GTSE1: variants seen among roughly 807,000 people sequenced by gnomAD.
GTSE1 encodes G2 and S-phase expressed 1.
In GTSE1, 52 loss-of-function variants were observed where a neutral mutation model predicts 60.5. That is an observed-to-expected ratio of 0.86 (90% CI 0.69 to 1.08). The LOEUF is 1.08. Ranked by LOEUF, GTSE1 falls within the 50% of genes least tolerant of loss-of-function variation. The pLI, the probability that GTSE1 is intolerant of heterozygous loss-of-function variation, is 0.00. For synonymous variants in GTSE1, 368 were observed against 386.5 expected (o/e 0.95, Z 0.56); for missense variants, 937 against 961.8 (o/e 0.97, Z 0.34).
rs112923617 is a variant in GTSE1 at position 46,320,800 on chromosome 22, G to C, written c.1433-2390G>C. Among the ~76,000 whole-genome samples, 3,617 of 152,292 alleles carry C rather than the reference G, an allele frequency of 0.024. 54 individuals are homozygous for C. Among genetic ancestry groups the C allele is most frequent in the Non-Finnish European group, 0.03 (2,010 of 68,024 alleles). ...AGCTGCAGTGGAGACGCGCCGTCCAGGTTTAGGGAAGAGCTGATGTGGGCC... is the reference window on the plus strand; with the variant it reads ...AGCTGCAGTGGAGACGCGCCGTCCACGTTTAGGGAAGAGCTGATGTGGGCC... On this transcript the variant is annotated intron_variant, in intron 7 of 11. Coordinates refer to ENST00000454366, the MANE Select transcript of GTSE1 (RefSeq NM_016426.7). This position sits in a 1 kb window ranked among gnomAD's most constrained non-coding sequence, Gnocchi z 7.1.
rs1473016992 is a variant in GTSE1 at position 46,304,928 on chromosome 22, A to G, written c.80-3222A>G. Among the ~76,000 whole-genome samples, 4 of 152,200 alleles carry G rather than the reference A, an allele frequency of 2.6e-5. No individual in the cohort carries two copies. Among genetic ancestry groups the G allele is most frequent in the African/African-American group, 7.2e-5 (3 of 41,436 alleles). On this transcript the variant is annotated intron_variant, in intron 2 of 11. Coordinates refer to ENST00000454366, the MANE Select transcript of GTSE1 (RefSeq NM_016426.7). This position sits in a 1 kb window ranked among gnomAD's most constrained non-coding sequence, Gnocchi z 4.4. ...CAGGAGTTCGAGGCTGCAGTGAGCT[A>G]TGATTGTACCACTGTACTCCAGCCT...
chr22:46,327,824 G>A (rs142344310), intron 9 of GTSE1, among the ~76,000 whole-genome samples: 76 of 152,334 alleles, frequency 5.0e-4, no homozygotes, highest in African/African-American at 1.7e-3. Context: ...CTATGATAAT[G>A]CAGAAGACTC....
Position 46,316,236 on chromosome 22 carries a change from C to T in GTSE1, c.1256C>T (p.Thr419Ile), listed in dbSNP as rs553147214. ...QLTAPPSASP[T>I]QPQTPEGGGQ... ...ACGGCACCCCCCTCAGCATCCCCCA[C>T]CCAACCCCAGACTCCGGAAGGTGGC... The change falls in exon 7 of 12, where the codon ACC (threonine) becomes ATC (isoleucine). Residue 419 changes from threonine (T) to isoleucine (I), a missense_variant. Thr to Ile is a moderately conservative substitution (Grantham distance 89). Transcript: ENST00000454366. The surrounding 1 kb of genome is among the most constrained non-coding windows in gnomAD (Gnocchi z 5.0). The T allele has an allele frequency of 1.1e-4, 175 of 1,613,718 alleles. No individual in the cohort carries two copies. The South Asian group carries it at 1.8e-3, about 17-fold the overall frequency.
In GTSE1 at chr22:46,313,780, T is replaced by A; in HGVS notation, c.928-110T>A. 8.3e-7 allele frequency: 1 copy of A among 1,198,888 alleles called. No individual in the cohort carries two copies. Among genetic ancestry groups the A allele is most frequent in the Non-Finnish European group, 1.2e-6 (1 of 830,818 alleles). The allele number at this position is 1,198,888 out of a possible 1,614,324, so 74.3% of individuals were successfully genotyped here. A position where few individuals can be genotyped will look rare whatever the true frequency, so the allele number is the denominator to read the frequency against. On this transcript the variant is annotated intron_variant, in intron 5 of 11. Transcript: ENST00000454366. This position sits in a 1 kb window ranked among gnomAD's most constrained non-coding sequence, Gnocchi z 4.4. ...CCTCAGCCTCCCAAAGTGCTGGGAT[T>A]ACAGGCGTGAGCCACCGTGCCCAGC...
At chr22:46,300,289 G>A (rs1367067339) in intron 2 of GTSE1, among the ~76,000 whole-genome samples, 1 of 152,036 alleles carries the variant, frequency 6.6e-6, no homozygotes, top group African/African-American at 2.4e-5. Flanking sequence ...GTAGAGACGG[G>A]GTTTCACCAT....
rs746195556 is a variant in GTSE1 at position 46,330,021 on chromosome 22, A to G, written c.2137-26A>G. 2.8e-6 allele frequency: 4 copies of G among 1,446,368 alleles called. No homozygotes were observed. In the South Asian group the frequency reaches 4.6e-5, roughly 16 times the overall value. The allele number at this position is 1,446,368 out of a possible 1,614,324, so 89.6% of individuals were successfully genotyped here. A position where few individuals can be genotyped will look rare whatever the true frequency, so the allele number is the denominator to read the frequency against. Reference sequence around the variant, plus strand: ...GGAGGCCCTAGCCGGATCCACGCTCACCTCCTCCACTCTGCTCTCTTCCAG... The same window carrying G: ...GGAGGCCCTAGCCGGATCCACGCTCGCCTCCTCCACTCTGCTCTCTTCCAG... On this transcript the variant is annotated intron_variant, in intron 11 of 11. Coordinates refer to ENST00000454366, the MANE Select transcript of GTSE1 (RefSeq NM_016426.7). The surrounding 1 kb of genome is among the most constrained non-coding windows in gnomAD (Gnocchi z 6.0).
chr22:46,322,038 C>T (rs1462969898), intron 7 of GTSE1, among the ~76,000 whole-genome samples: 2 of 141,938 alleles, frequency 1.4e-5, no homozygotes, highest in Non-Finnish European at 3.0e-5. Context: ...CATGCCACTG[C>T]ACTCCAGCCT....
In GTSE1 at chr22:46,329,292, A is replaced by G; in HGVS notation, c.1927-66A>G. ...CCCACCTGGAACATGAGCAAAGCTC[A>G]CATTCTCCCAAGATGGTTGCCAGAA... On this transcript the variant is annotated intron_variant, in intron 10 of 11. Transcript: ENST00000454366. The surrounding 1 kb of genome is among the most constrained non-coding windows in gnomAD (Gnocchi z 6.4). 1.5e-6 allele frequency: 2 copies of G among 1,299,998 alleles called. No homozygotes were observed. Among genetic ancestry groups the G allele is most frequent in the South Asian group, 1.2e-5 (1 of 84,732 alleles). 80.5% of individuals were successfully genotyped at this position (1,299,998 alleles called of 1,614,324 possible).
chr22:46,308,764 G>T lies in GTSE1; in HGVS notation c.583G>T (p.Ala195Ser), dbSNP rs1219180435. ...CTCCCCGGCCCTGCCCAGCTCTGGT[G>T]CCCAGGCCCGCCTCACCCGGGCGCC... is the stretch of plus-strand genomic sequence containing the variant. ...ASSPALPSSG[A>S]QARLTRAPGP... Residue 195 changes from alanine (A) to serine (S), a missense_variant, in exon 4 of 12, where the codon GCC becomes TCC. Ala to Ser is a moderately conservative substitution (Grantham distance 99). Coordinates refer to ENST00000454366, the MANE Select transcript of GTSE1 (RefSeq NM_016426.7). 1.2e-6 allele frequency: 2 copies of T among 1,613,028 alleles called. No homozygotes were observed. Among genetic ancestry groups the T allele is most frequent in the Admixed American group, 3.3e-5 (2 of 60,010 alleles).
In GTSE1 at chr22:46,318,146, G is replaced by A. The variant is rs901280176; in HGVS notation, c.1432+1734G>A. Among the ~76,000 whole-genome samples, 54 of 152,372 alleles carry A rather than the reference G, an allele frequency of 3.5e-4. No individual in the cohort carries two copies. The highest frequency in any genetic ancestry group is 1.3e-3 in the African/African-American group (52 of 41,592). ...CCAGCAGGTGTCTGGCCATTAGTGG[G>A]TGGGTGTTTGTAAAGTTTTCATGAA... On this transcript the variant is annotated intron_variant, in intron 7 of 11. Coordinates refer to ENST00000454366, the MANE Select transcript of GTSE1 (RefSeq NM_016426.7). The surrounding 1 kb of genome is among the most constrained non-coding windows in gnomAD (Gnocchi z 4.8).
rs1005476944 is a variant in GTSE1, at chr22:46,329,082, T to G, written c.1926+193T>G. The G allele has an allele frequency of 2.6e-5, 16 of 619,208 alleles. No homozygotes were observed. In the East Asian group the frequency reaches 4.1e-4, roughly 16 times the overall value. The allele number at this position is 619,208 out of a possible 1,614,324, so 38.4% of individuals were successfully genotyped here. Reference sequence around the variant, plus strand: ...GCCTCCAGGGGAGAAAGCCCTGCATTTGACTAAGGCAAGGGTCAGGGATCA... The same window carrying G: ...GCCTCCAGGGGAGAAAGCCCTGCATGTGACTAAGGCAAGGGTCAGGGATCA... On this transcript the variant is annotated intron_variant, in intron 10 of 11. Coordinates refer to ENST00000454366, the MANE Select transcript of GTSE1 (RefSeq NM_016426.7). The surrounding 1 kb of genome is among the most constrained non-coding windows in gnomAD (Gnocchi z 6.4).
At chr22:46,300,129 C>T (rs559918834) in intron 2 of GTSE1, among the ~76,000 whole-genome samples, 4 of 139,910 alleles carry the variant, frequency 2.9e-5, no homozygotes, top group Non-Finnish European at 4.6e-5. Context: ...GATGGAGTCT[C>T]GTTCTGTCAC....
chr22:46,313,415 C>G lies in GTSE1; in HGVS notation c.928-475C>G, dbSNP rs1393334121. Among the ~76,000 whole-genome samples the G allele has an allele frequency of 6.6e-6, 1 of 152,170 alleles. No homozygotes were observed. The highest frequency in any genetic ancestry group is 1.5e-5 in the Non-Finnish European group (1 of 68,042). The stretch of plus-strand genomic sequence containing the variant: ...TGGTCCTCATGCAGGGGTTTGAAGA[C>G]TACACTTTGAGAAGTGCTGCTTGAC... On this transcript the variant is annotated intron_variant, in intron 5 of 11. Transcript: ENST00000454366. The surrounding 1 kb of genome is among the most constrained non-coding windows in gnomAD (Gnocchi z 4.4).
At chr22:46,312,660 G>T (rs888089998) in intron 5 of GTSE1, among the ~76,000 whole-genome samples, 3 of 151,184 alleles carry the variant, frequency 2.0e-5, no homozygotes, top group Non-Finnish European at 4.4e-5. Context: ...AAAAAAAGAG[G>T]TGGAAAAGTT....
chr22:46,306,040 CT>C (rs141654988), intron 2 of GTSE1, among the ~76,000 whole-genome samples: 1,682 of 152,072 alleles, frequency 0.011, 38 homozygotes, highest in African/African-American at 0.038. Flanking sequence ...GGTTATTTCT[CT>C]TTTCTTTCTT....
In GTSE1 at chr22:46,320,353, CT is replaced by C. The variant is rs1294594000; in HGVS notation, c.1433-2836del. On this transcript the variant is annotated intron_variant, in intron 7 of 11. Transcript: ENST00000454366. The surrounding 1 kb of genome is among the most constrained non-coding windows in gnomAD (Gnocchi z 7.1). Reference sequence around the variant, plus strand: ...TCCACAATGCTGGGAACAGGACTGTCTCTTGCACGCCTTTGGTCATTCATCA... The same window carrying C: ...TCCACAATGCTGGGAACAGGACTGTCCTTGCACGCCTTTGGTCATTCATCA... Among the ~76,000 whole-genome samples the C allele has an allele frequency of 1.3e-5, 2 of 152,220 alleles. No individual in the cohort carries two copies. Among genetic ancestry groups the C allele is most frequent in the African/African-American group, 4.8e-5 (2 of 41,454 alleles).
chr22:46,307,691 C>T lies in GTSE1; in HGVS notation c.80-459C>T, dbSNP rs200097881. On this transcript the variant is annotated intron_variant, in intron 2 of 11. Transcript: ENST00000454366. ...CCAATTTTTGTATTTTTAGTAGAGA[C>T]GGGGTTTCACCATGTTGACTAGGCT... Among the ~76,000 whole-genome samples, 52 of 152,118 alleles carry T rather than the reference C, an allele frequency of 3.4e-4. No individual in the cohort carries two copies. The East Asian group carries it at 8.3e-3, about 24-fold the overall frequency.
rs188655025 is a variant in GTSE1 at position 46,330,077 on chromosome 22, C to G, written c.2167C>G (p.Leu723Val). 780 of 1,611,190 alleles carry G rather than the reference C, an allele frequency of 4.8e-4. 7 individuals carry two copies. The East Asian group carries it at 0.015, about 32-fold the overall frequency. Residue 723 changes from leucine to valine, a missense_variant, in exon 12 of 12, where the codon CTG (leucine) becomes GTG (valine). Leu to Val is a conservative substitution (Grantham distance 32). Transcript: ENST00000454366. The surrounding 1 kb of genome is among the most constrained non-coding windows in gnomAD (Gnocchi z 6.0). ...LIDLSSPLIQ[L>V]SPEADKENVD... Reference sequence around the variant, plus strand: ...AGACCTGAGCTCCCCTCTGATCCAGCTGAGCCCTGAGGCTGACAAGGAGAA... The same window carrying G: ...AGACCTGAGCTCCCCTCTGATCCAGGTGAGCCCTGAGGCTGACAAGGAGAA...
At position 46,321,589 on chromosome 22, in the gene GTSE1, C is replaced by T. The variant is rs771122842; in HGVS notation, c.1433-1601C>T. 2.6e-5 allele frequency among the ~76,000 whole-genome samples: 4 copies of T among 152,086 alleles called. No homozygotes were observed. The highest frequency in any genetic ancestry group is 4.8e-5 in the African/African-American group (2 of 41,402). ...GCAGATTCTTAACTCTTGTAACAAA[C>T]GGAGTTTCTGAAGAATGCGGAGGTA... On this transcript the variant is annotated intron_variant, in intron 7 of 11. Coordinates refer to ENST00000454366, the MANE Select transcript of GTSE1 (RefSeq NM_016426.7). This position sits in a 1 kb window ranked among gnomAD's most constrained non-coding sequence, Gnocchi z 4.0.
Sources: gnomAD v4.1 joint callset for allele counts (sites outside exome capture counted in the v4.1 genomes callset) on GRCh38, gnomAD v4.1.1 for gene constraint, Gnocchi (gnomAD v3.1) non-coding constraint, MANE v1.5 for transcripts, NCBI Gene and HGNC (gene_info 2026-07-23, HGNC 2026-07-21) for gene names.